The following DPP10 variants were observed in gnomAD, a reference collection of about 807,000 sequenced individuals.
DPP10 encodes dipeptidyl peptidase like 10.
A neutral mutation model predicts 120.9 loss-of-function variants in DPP10; 33 were observed. That is an observed-to-expected ratio of 0.27 (90% confidence interval 0.21 to 0.37). The LOEUF (loss-of-function observed/expected upper bound fraction) is 0.37, where lower values mean the gene tolerates loss of function less well. DPP10 is among the 10% of genes least tolerant of loss of function. The pLI is 1.00. For synonymous variants in DPP10, 337 were observed against 326.1 expected, an observed-to-expected ratio of 1.03 and a Z score of -0.36; for missense variants, 816 against 942.8, an observed-to-expected ratio of 0.87 and a Z score of 1.76.
At chr2:115,423,636 TTTTTAC>T (rs1559582986) in intron 3 of DPP10, among the ~76,000 whole-genome samples, 1 of 151,948 alleles carries the variant, frequency 6.6e-6, no homozygotes, top group Non-Finnish European at 1.5e-5. Context: ...GTTAAGAAAA[TTTTTAC>T]TTAGACCCTG....
chr2:115,369,957 C>T (rs2065304351), intron 3 of DPP10, among the ~76,000 whole-genome samples: 1 of 152,020 alleles, frequency 6.6e-6, no homozygotes, highest in African/African-American at 2.4e-5. Flanking sequence ...TGTGTTAGAT[C>T]AGTTTTCAGA....
intron 3 of DPP10, among the ~76,000 whole-genome samples, chr2:115,349,280 T>A (rs2063870930): frequency 6.6e-6 from 1 of 152,122 alleles, no homozygotes; most frequent in Non-Finnish European, 1.5e-5. Flanking sequence ...CAGTATAATA[T>A]GTGGAAATGG....
chr2:114,739,682 A>T (rs1313152668), intron 1 of DPP10, among the ~76,000 whole-genome samples: 1 of 151,990 alleles, frequency 6.6e-6, no homozygotes, highest in African/African-American at 2.4e-5. Flanking sequence ...AGAGAGAAAG[A>T]TATCTGTCAG....
chr2:115,764,706 G>T (rs1680513407), intron 12 of DPP10, among the ~76,000 whole-genome samples: 1 of 152,000 alleles, frequency 6.6e-6, no homozygotes, highest in African/African-American at 2.4e-5. Flanking sequence ...AAAGCATCCA[G>T]TTATTAATTA....
intron 1 of DPP10, among the ~76,000 whole-genome samples, chr2:115,001,431 A>C (rs548661977): frequency 1.3e-5 from 2 of 152,326 alleles, no homozygotes; most frequent in African/African-American, 4.8e-5. Context: ...ACAAACCCAC[A>C]GCCAACATCA....
intron 1 of DPP10, among the ~76,000 whole-genome samples, chr2:114,681,284 T>C (rs1302060123): frequency 6.6e-6 from 1 of 152,010 alleles, no homozygotes; most frequent in Non-Finnish European, 1.5e-5. Flanking sequence ...TTACCAGTGA[T>C]TCTCCTGATT....
intron 2 of DPP10, among the ~76,000 whole-genome samples, chr2:115,334,097 C>G: frequency 6.6e-6 from 1 of 151,666 alleles, no homozygotes; most frequent in Admixed American, 6.6e-5. Flanking sequence ...AGAACTTCCC[C>G]AACCTAGCAA....
chr2:114,771,101 T>C (rs779026216), intron 1 of DPP10, among the ~76,000 whole-genome samples: 9 of 152,240 alleles, frequency 5.9e-5, no homozygotes, highest in Non-Finnish European at 1.2e-4. Context: ...ATTTAGAATA[T>C]GTTAAGAAAA....
chr2:115,162,914 C>CGAGGAG lies in DPP10; in HGVS notation c.61-146308_61-146303dup, dbSNP rs372201733. 2.4e-3 allele frequency among the ~76,000 whole-genome samples: 367 copies of CGAGGAG among 151,308 alleles called. 2 individuals are homozygous for CGAGGAG. The highest frequency in any genetic ancestry group is 8.6e-3 in the African/African-American group (357 of 41,346). ...GGTCGGGAGCGCCGAGACACCCTGG[C>CGAGGAG]GAGGAGGAGGAGGAGGAGGAGGGAG... On this transcript the variant is annotated intron_variant, in intron 1 of 25. Transcript: ENST00000410059.
chr2:114,695,529 G>C (rs1385998670), intron 1 of DPP10, among the ~76,000 whole-genome samples: 5 of 152,010 alleles, frequency 3.3e-5, no homozygotes, highest in Non-Finnish European at 5.9e-5. Context: ...ATATCCCTGA[G>C]TCAACATTCT....
chr2:114,614,630 G>A (rs1453286247), intron 1 of DPP10, among the ~76,000 whole-genome samples: 1 of 152,126 alleles, frequency 6.6e-6, no homozygotes, highest in Non-Finnish European at 1.5e-5. Context: ...TGGTTAAAGT[G>A]GCTTTTTAAG....
chr2:115,482,511 A>G (rs2075502139), intron 3 of DPP10, among the ~76,000 whole-genome samples: 1 of 152,124 alleles, frequency 6.6e-6, no homozygotes, highest in South Asian at 2.1e-4. Context: ...TCCAAAGGGA[A>G]ATCTAGTACA....
chr2:114,695,868 C>A (rs936132603), intron 1 of DPP10, among the ~76,000 whole-genome samples: 6 of 152,038 alleles, frequency 3.9e-5, no homozygotes, highest in African/African-American at 1.4e-4. Flanking sequence ...ATTAAAATAA[C>A]CTTTTTAATA....
chr2:115,189,560 A>C (rs1573947974), intron 1 of DPP10, among the ~76,000 whole-genome samples: 2 of 152,190 alleles, frequency 1.3e-5, no homozygotes, highest in East Asian at 3.8e-4. Context: ...CTTTGAAGAG[A>C]AACTTGGGGT....
chr2:114,775,309 G>A (rs1435871), intron 1 of DPP10, among the ~76,000 whole-genome samples: 2,465 of 152,222 alleles, frequency 0.016, 65 homozygotes, highest in African/African-American at 0.056. Context: ...AGTGCAAGTC[G>A]TTATACTACT....
chr2:115,234,347 A>G (rs2057891561), intron 1 of DPP10: 2 of 180,572 alleles, frequency 1.1e-5, no homozygotes, highest in East Asian at 1.8e-4. Context: ...GTGACCCACA[A>G]AACTGATTAG....
chr2:115,224,671 G>T (rs1247941409), intron 1 of DPP10, among the ~76,000 whole-genome samples: 1 of 152,082 alleles, frequency 6.6e-6, no homozygotes, highest in African/African-American at 2.4e-5. Context: ...ATTTTTAAGT[G>T]TTCTCATCAC....
At chr2:114,546,295 C>T (rs1344643355) in intron 1 of DPP10, among the ~76,000 whole-genome samples, 3 of 152,138 alleles carry the variant, frequency 2.0e-5, no homozygotes, top group Non-Finnish European at 2.9e-5. Context: ...AGGTACATGA[C>T]TTGGTGTTGA....
At chr2:115,665,842 TTC>T (rs764086952) in intron 5 of DPP10, among the ~76,000 whole-genome samples, 3 of 152,168 alleles carry the variant, frequency 2.0e-5, no homozygotes, top group Non-Finnish European at 2.9e-5. Context: ...CAATTTATAT[TTC>T]TGTTTTTTAT....
Sources: allele counts gnomAD v4.1 joint callset (sites outside exome capture counted in the v4.1 genomes callset), GRCh38; gene constraint gnomAD v4.1.1; transcripts MANE v1.5; gene names NCBI Gene and HGNC (gene_info 2026-07-23, HGNC 2026-07-21).